Variants in SUPT3H observed in about 807,000 individuals in gnomAD.
The protein encoded by SUPT3H is SPT3 homolog, SAGA and STAGA complex component.
In SUPT3H, 44 loss-of-function variants were observed where a neutral mutation model predicts 44.3. The observed-to-expected ratio is 0.99, with a 90% CI of 0.78 to 1.28. The LOEUF (loss-of-function observed/expected upper bound fraction) is 1.28, where lower values mean the gene tolerates loss of function less well. Ranked by LOEUF, SUPT3H falls within the 50% of genes most tolerant of loss-of-function variation. The pLI is 0.00. For missense variants in SUPT3H, 380 were observed against 387.1 expected (o/e 0.98, Z 0.15); for synonymous variants, 124 against 125.6 (o/e 0.99, Z 0.09).
At chr6:44,905,659 C>A (rs1268216998) in intron 10 of SUPT3H, among the ~76,000 whole-genome samples, 3 of 152,046 alleles carry the variant, frequency 2.0e-5, no homozygotes, top group Non-Finnish European at 4.4e-5. Flanking sequence ...ACCCAGCCAT[C>A]CCATTACTGG....
chr6:45,228,770 G>A (rs1332129235), intron 2 of SUPT3H, among the ~76,000 whole-genome samples: 3 of 152,022 alleles, frequency 2.0e-5, no homozygotes, highest in East Asian at 3.9e-4. Context: ...TCCCAAAGAA[G>A]CTGGGACTAC....
intron 3 of SUPT3H, among the ~76,000 whole-genome samples, chr6:45,094,947 G>T (rs1049867829): frequency 6.6e-6 from 1 of 152,038 alleles, no homozygotes; most frequent in African/African-American, 2.4e-5. Context: ...GACCATACGT[G>T]TGTGTTTTCC....
chr6:45,306,953 C>T (rs188443638), intron 2 of SUPT3H, among the ~76,000 whole-genome samples: 24 of 152,360 alleles, frequency 1.6e-4, no homozygotes, highest in Admixed American at 1.2e-3. Context: ...TCTTAGCAAA[C>T]GGCACACAGG....
chr6:45,091,843 T>G (rs1019343470), intron 3 of SUPT3H, among the ~76,000 whole-genome samples: 5 of 151,908 alleles, frequency 3.3e-5, no homozygotes, highest in African/African-American at 1.2e-4. Context: ...ATTACAGTTT[T>G]GGGGAGAAAA....
At position 45,065,966 on chromosome 6, in the gene SUPT3H, C is replaced by T. The variant is rs1219605429; in HGVS notation, c.186+39956G>A. 5.0e-5 allele frequency among the ~76,000 whole-genome samples: 7 copies of T among 139,222 alleles called. No individual in the cohort carries two copies. In the South Asian group the frequency reaches 1.8e-3, roughly 37 times the overall value. The allele number at this position is 139,222 out of a possible 152,430, so 91.3% of individuals were successfully genotyped here. A position where few individuals can be genotyped will look rare whatever the true frequency, so the allele number is the denominator to read the frequency against. ...TCCTCCCTCACTCATTTTATGAGGC[C>T]AGCATCATTCTGATACCAAAGCCGG... On this transcript the variant is annotated intron_variant, in intron 3 of 10. Transcript: ENST00000371459.
At chr6:45,274,272 T>C (rs1229160729) in intron 2 of SUPT3H, among the ~76,000 whole-genome samples, 1 of 152,208 alleles carries the variant, frequency 6.6e-6, no homozygotes, top group Non-Finnish European at 1.5e-5. Context: ...GTCCTTAAAA[T>C]ACAAAAACTT....
intron 10 of SUPT3H, among the ~76,000 whole-genome samples, chr6:44,863,188 A>G (rs1406885182): frequency 6.6e-6 from 1 of 152,218 alleles, no homozygotes; most frequent in Non-Finnish European, 1.5e-5. Context: ...TCATGCACTG[A>G]TTACTTACCA....
chr6:45,102,001 A>G (rs1466858949), intron 3 of SUPT3H, among the ~76,000 whole-genome samples: 2 of 152,172 alleles, frequency 1.3e-5, no homozygotes, highest in African/African-American at 4.8e-5. Flanking sequence ...AAATTTGACA[A>G]TGAGTAGAAC....
At chr6:45,263,141 C>T (rs1248159929) in intron 2 of SUPT3H, among the ~76,000 whole-genome samples, 2 of 151,992 alleles carry the variant, frequency 1.3e-5, no homozygotes. Flanking sequence ...GGATATATAC[C>T]CAAGGGAAAA....
At chr6:45,024,042 T>G (rs990970009) in intron 3 of SUPT3H, among the ~76,000 whole-genome samples, 2 of 152,204 alleles carry the variant, frequency 1.3e-5, no homozygotes, top group African/African-American at 4.8e-5. Flanking sequence ...ATCAAAAATG[T>G]TCCTCAAAAC....
chr6:45,066,157 T>G (rs1300424686), intron 3 of SUPT3H, among the ~76,000 whole-genome samples: 1 of 144,226 alleles, frequency 6.9e-6, no homozygotes, highest in Non-Finnish European at 1.5e-5. Context: ...TGGTTCAATA[T>G]ACGCAAATCA....
intron 10 of SUPT3H, among the ~76,000 whole-genome samples, chr6:44,876,509 C>T (rs71304117): frequency 1.1e-5 from 1 of 90,806 alleles, no homozygotes; most frequent in Non-Finnish European, 2.1e-5. Flanking sequence ...GTGGTGGGGT[C>T]GGGGGAGGGG....
At chr6:45,222,849 A>G (rs1418524093) in intron 2 of SUPT3H, among the ~76,000 whole-genome samples, 3 of 152,140 alleles carry the variant, frequency 2.0e-5, no homozygotes, top group East Asian at 1.9e-4. Flanking sequence ...ACCATGGAAT[A>G]CTCTTATCAA....
At position 44,932,778 on chromosome 6, in the gene SUPT3H, C is replaced by T; in HGVS notation, c.802-15G>A. 6.4e-7 allele frequency: 1 copy of T among 1,553,578 alleles called. No homozygotes were observed. The highest frequency in any genetic ancestry group is 2.3e-5 in the East Asian group (1 of 43,598). ...GCTGCAGTGCTCTGCGACAGAAAAA[C>T]ACATAAATTGTTACTAAATCAAAAA... is the stretch of plus-strand genomic sequence containing the variant. On this transcript the variant is annotated splice_polypyrimidine_tract_variant and intron_variant, in intron 9 of 10. Transcript: ENST00000371459.
chr6:45,152,549 T>C (rs1807119011), intron 2 of SUPT3H, among the ~76,000 whole-genome samples: 1 of 152,166 alleles, frequency 6.6e-6, no homozygotes, highest in Non-Finnish European at 1.5e-5. Flanking sequence ...TAGAGTGCAG[T>C]AGTCCTATCT....
At chr6:45,149,124 A>G (rs994139578) in intron 2 of SUPT3H, among the ~76,000 whole-genome samples, 2 of 152,192 alleles carry the variant, frequency 1.3e-5, no homozygotes, top group Non-Finnish European at 2.9e-5. Flanking sequence ...GAAAAATATT[A>G]TAACACATAC....
chr6:45,194,710 G>A (rs951957143), intron 2 of SUPT3H, among the ~76,000 whole-genome samples: 3 of 151,820 alleles, frequency 2.0e-5, no homozygotes, highest in East Asian at 1.9e-4. Context: ...AATACACTAC[G>A]GTTATAATGC....
chr6:45,247,202 A>C (rs1044487023), intron 2 of SUPT3H, among the ~76,000 whole-genome samples: 2 of 152,206 alleles, frequency 1.3e-5, no homozygotes, highest in South Asian at 4.1e-4. Context: ...ACCAAAATTC[A>C]CTGAAGTAGA....
chr6:45,274,720 A>C, intron 2 of SUPT3H, among the ~76,000 whole-genome samples: 1 of 152,082 alleles, frequency 6.6e-6, no homozygotes, highest in East Asian at 1.9e-4. Context: ...GTCTGTATTA[A>C]AAATATTTTT....
Sources: gnomAD v4.1 joint callset for allele counts (sites outside exome capture counted in the v4.1 genomes callset) on GRCh38, gnomAD v4.1.1 for gene constraint, MANE v1.5 for transcripts, NCBI Gene and HGNC (gene_info 2026-07-23, HGNC 2026-07-21) for gene names.